The following ACACA variants were observed in gnomAD, a reference collection of about 807,000 sequenced individuals.
ACACA encodes acetyl-CoA carboxylase alpha, also known as acetyl-CoA carboxylase 1.
Under a neutral mutation model 296.1 loss-of-function variants are expected in ACACA, and 103 were observed. That is an observed-to-expected ratio of 0.35 (90% CI 0.30 to 0.41). ACACA has a LOEUF of 0.41. ACACA is among the 10% of genes least tolerant of loss of function. ACACA has a pLI of 1.00. For synonymous variants in ACACA, 953 were observed against 1,038.6 expected, an observed-to-expected ratio of 0.92 and a Z score of 1.58; for missense variants, 1,554 against 2,989.7, an observed-to-expected ratio of 0.52 and a Z score of 11.20.
At chr17:37,218,144 T>TAAC (rs2079116379) in intron 29 of ACACA, among the ~76,000 whole-genome samples, 1 of 13,712 alleles carries the variant, frequency 7.3e-5, no homozygotes, top group Non-Finnish European at 1.4e-4. Context: ...GCACTACCAG[T>TAAC]AACAAAAAAA....
intron 41 of ACACA, among the ~76,000 whole-genome samples, chr17:37,169,030 C>A (rs944592616): frequency 1.3e-5 from 2 of 152,150 alleles, no homozygotes; most frequent in African/African-American, 4.8e-5. Flanking sequence ...AAGAACTTTA[C>A]AAACATATGT....
At chr17:37,215,487 CAG>C (rs138154692) in intron 29 of ACACA, among the ~76,000 whole-genome samples, 150 of 152,236 alleles carry the variant, frequency 9.9e-4, no homozygotes, top group African/African-American at 3.4e-3. Flanking sequence ...TTATATTATA[CAG>C]AGTCATATGC....
At chr17:37,343,386 A>G (rs891438668) in intron 1 of ACACA, among the ~76,000 whole-genome samples, 5 of 152,242 alleles carry the variant, frequency 3.3e-5, no homozygotes, top group African/African-American at 1.2e-4. Context: ...ATAAAGAGGC[A>G]GCAATTAGTT....
At chr17:37,381,512 A>AT (rs1308856813) in intron 1 of ACACA, among the ~76,000 whole-genome samples, 1 of 151,222 alleles carries the variant, frequency 6.6e-6, no homozygotes, top group African/African-American at 2.4e-5. Context: ...ATTTAATAAT[A>AT]TATCTTATAG....
At chr17:37,095,846 G>A (rs1482287324) in intron 54 of ACACA, among the ~76,000 whole-genome samples, 1 of 152,174 alleles carries the variant, frequency 6.6e-6, no homozygotes, top group Non-Finnish European at 1.5e-5. Flanking sequence ...CATCCATGGA[G>A]TGACTTATGC....
Position 37,177,873 on chromosome 17 carries a change from A to G in ACACA, c.5079+1387T>C, listed in dbSNP as rs573767528. The stretch of plus-strand genomic sequence containing the variant: ...AGTCTGATACTCTCCATCTGGTCCA[A>G]TGCTTGCATCCATCTTGATACCAAA... On this transcript the variant is annotated intron_variant, in intron 41 of 55. Transcript: ENST00000616317. 2.0e-5 allele frequency among the ~76,000 whole-genome samples: 3 copies of G among 152,304 alleles called. No individual in the cohort carries two copies. In the East Asian group the frequency reaches 5.8e-4, roughly 29 times the overall value.
chr17:37,400,310 G>A (rs2051238600), intron 1 of ACACA, among the ~76,000 whole-genome samples: 1 of 151,970 alleles, frequency 6.6e-6, no homozygotes, highest in Admixed American at 6.6e-5. Context: ...AGTAGAGATG[G>A]GGTTTCACCA....
chr17:37,390,140 G>GTATATATA (rs1243535532), intron 1 of ACACA, among the ~76,000 whole-genome samples: 39 of 34,608 alleles, frequency 1.1e-3, no homozygotes, highest in African/African-American at 3.8e-3. Flanking sequence ...AAAAAAAAAA[G>GTATATATA]TATATATATA....
Position 37,276,035 on chromosome 17 carries a change from C to T in ACACA, c.817G>A (p.Ala273Thr), listed in dbSNP as rs1300473430. ...GIAFMGPPSQ[A>T]MWALGDKIAS... is the part of the protein sequence containing the mutation. ...ATCTTATCCCCTAAAGCCCACATGG[C>T]CTGGCTTGGAGGACCTAAAAACGAA... The change falls in exon 8 of 56, where the codon GCC becomes ACC. Residue 273 changes from alanine to threonine, a missense_variant. Ala to Thr is a moderately conservative substitution (Grantham distance 58). Transcript: ENST00000616317. 7 of 1,614,066 alleles carry T rather than the reference C, an allele frequency of 4.3e-6. No homozygotes were observed. The highest frequency in any genetic ancestry group is 5.9e-6 in the Non-Finnish European group (7 of 1,180,018).
At chr17:37,292,454 C>T (rs1346377662) in intron 3 of ACACA, among the ~76,000 whole-genome samples, 2 of 152,108 alleles carry the variant, frequency 1.3e-5, no homozygotes, top group Non-Finnish European at 2.9e-5. Flanking sequence ...AAAAAAAAGG[C>T]ATTCTATAAG....
At chr17:37,246,762 A>C in intron 19 of ACACA, 64 bp downstream of exon 19, 2 of 1,595,464 alleles carry the variant, frequency 1.3e-6, no homozygotes, top group South Asian at 2.2e-5. Flanking sequence ...GTCCTAGTCC[A>C]TCCCAGCCGA....
rs1306727370 is a variant in ACACA at position 37,086,446 on chromosome 17, A to G, written c.*870T>C. Reference sequence around the variant, plus strand: ...ATAACTAGTTTCCACCAGTGCAGAAAGGGCAGTTCTCTTCTGGCTCCTCCT... The same window carrying G: ...ATAACTAGTTTCCACCAGTGCAGAAGGGGCAGTTCTCTTCTGGCTCCTCCT... On this transcript the variant is annotated 3_prime_UTR_variant, in exon 56 of 56. Coordinates refer to ENST00000616317, the MANE Select transcript of ACACA (RefSeq NM_198834.3). 1 of 152,282 alleles carries G rather than the reference A, an allele frequency of 6.6e-6. No homozygotes were observed. 9.4% of individuals were successfully genotyped at this position (152,282 alleles called of 1,614,324 possible).
At chr17:37,320,607 C>T (rs756111674) in intron 3 of ACACA, among the ~76,000 whole-genome samples, 4 of 151,830 alleles carry the variant, frequency 2.6e-5, no homozygotes, top group Non-Finnish European at 5.9e-5. Context: ...AAGCTGGCCA[C>T]CTTGGGCATG....
At chr17:37,297,180 G>A (rs1448572772) in intron 3 of ACACA, among the ~76,000 whole-genome samples, 4 of 151,460 alleles carry the variant, frequency 2.6e-5, no homozygotes, top group South Asian at 2.1e-4. Flanking sequence ...GGTGGCTCAC[G>A]CCTGTAATCC....
chr17:37,304,893 C>T lies in ACACA; in HGVS notation c.339-19923G>A, dbSNP rs538999647. On this transcript the variant is annotated intron_variant, in intron 3 of 55. Transcript: ENST00000616317. ...AGAAGGTCACTTGAGGCCAGGAGTTCGAAACCAGCCTGGGCAACATGGTAA... is the reference window on the plus strand; with the variant it reads ...AGAAGGTCACTTGAGGCCAGGAGTTTGAAACCAGCCTGGGCAACATGGTAA... Among the ~76,000 whole-genome samples, 11 of 151,602 alleles carry T rather than the reference C, an allele frequency of 7.3e-5. No individual in the cohort carries two copies. In the South Asian group the frequency reaches 1.7e-3, roughly 23 times the overall value.
intron 29 of ACACA, chr17:37,221,394 T>C (rs1461523141): frequency 2.7e-6 from 1 of 369,802 alleles, no homozygotes; most frequent in Non-Finnish European, 5.1e-6. Context: ...TTTAAATTGT[T>C]AAAAAGAGTG....
chr17:37,148,943 A>G (rs1247213540), intron 45 of ACACA, among the ~76,000 whole-genome samples: 2 of 152,246 alleles, frequency 1.3e-5, no homozygotes, highest in African/African-American at 4.8e-5. Context: ...GACAGATAAG[A>G]AAGCTGAGGA....
At chr17:37,352,075 C>T (rs535740536) in intron 1 of ACACA, among the ~76,000 whole-genome samples, 3 of 151,964 alleles carry the variant, frequency 2.0e-5, no homozygotes, top group African/African-American at 7.2e-5. Flanking sequence ...GGACTACAGG[C>T]GCCTGCCACC....
At chr17:37,292,892 T>A in intron 3 of ACACA, among the ~76,000 whole-genome samples, 1 of 152,020 alleles carries the variant, frequency 6.6e-6, no homozygotes, top group Non-Finnish European at 1.5e-5. Context: ...TCTAGGCAAA[T>A]GACCAATAAG....
Sources: allele counts gnomAD v4.1 joint callset (sites outside exome capture counted in the v4.1 genomes callset), GRCh38; gene constraint gnomAD v4.1.1; transcripts MANE v1.5; gene names NCBI Gene and HGNC (gene_info 2026-07-23, HGNC 2026-07-21).